Variants in KIRREL1 observed in about 807,000 individuals in gnomAD.
The protein encoded by KIRREL1 is kin of IRRE-like protein 1.
Under a neutral mutation model 83.3 loss-of-function variants are expected in KIRREL1, and 25 were observed. That is an observed-to-expected ratio of 0.30 (90% confidence interval 0.22 to 0.42). The LOEUF is 0.42. KIRREL1 is among the 10% of genes least tolerant of loss of function. The pLI, the probability that KIRREL1 is intolerant of heterozygous loss-of-function variation, is 1.00. For synonymous variants in KIRREL1, 388 were observed against 410.4 expected (o/e 0.95, Z 0.66); for missense variants, 812 against 1,032.3 (o/e 0.79, Z 2.92).
chr1:158,024,249 T>C (rs1280708966), intron 1 of KIRREL1, among the ~76,000 whole-genome samples: 1 of 138,458 alleles, frequency 7.2e-6, no homozygotes, highest in South Asian at 2.5e-4. Context: ...GCGCCCGGCC[T>C]GGTTTTGTTG....
chr1:158,002,513 G>T (rs1376816520), intron 1 of KIRREL1, among the ~76,000 whole-genome samples: 1 of 152,222 alleles, frequency 6.6e-6, no homozygotes, highest in African/African-American at 2.4e-5. Flanking sequence ...CCACCAGGGG[G>T]GGTGAGAGCA....
At chr1:158,050,577 A>G (rs1426428752) in intron 1 of KIRREL1, among the ~76,000 whole-genome samples, 1 of 152,182 alleles carries the variant, frequency 6.6e-6, no homozygotes, top group Non-Finnish European at 1.5e-5. Flanking sequence ...GCCAGAAGCC[A>G]CTTGTTTAAG....
chr1:158,096,618 G>A lies in KIRREL1; in HGVS notation c.*1498G>A, dbSNP rs946326142. On this transcript the variant is annotated 3_prime_UTR_variant, in exon 15 of 15. Transcript: ENST00000359209. ...GGAGAAGGTGGTGCGGAAGGGCACC[G>A]CAGGCATTACACAGGCCATTTCTCC... The A allele has an allele frequency of 2.0e-5, 9 of 456,684 alleles. No individual in the cohort carries two copies. The highest frequency in any genetic ancestry group is 1.6e-4 in the African/African-American group (8 of 50,030). The allele number at this position is 456,684 out of a possible 1,614,324, so 28.3% of individuals were successfully genotyped here.
chr1:158,058,652 C>T (rs1331071995), intron 1 of KIRREL1, among the ~76,000 whole-genome samples: 4 of 152,182 alleles, frequency 2.6e-5, no homozygotes, highest in Non-Finnish European at 5.9e-5. Context: ...GCTCAAAGGT[C>T]TTTATAGCAA....
At chr1:158,012,015 A>C (rs1659703668) in intron 1 of KIRREL1, among the ~76,000 whole-genome samples, 1 of 150,576 alleles carries the variant, frequency 6.6e-6, no homozygotes. Flanking sequence ...TCCCCCTCCC[A>C]CTTTCCCTCA....
chr1:158,069,019 CAG>C (rs1427881016), intron 1 of KIRREL1, among the ~76,000 whole-genome samples: 1 of 152,160 alleles, frequency 6.6e-6, no homozygotes, highest in Non-Finnish European at 1.5e-5. Context: ...TCCGGGGAGA[CAG>C]GGCCTGTCCT....
chr1:158,033,974 T>C (rs1660398791), intron 1 of KIRREL1, among the ~76,000 whole-genome samples: 1 of 136,798 alleles, frequency 7.3e-6, no homozygotes, highest in Admixed American at 7.5e-5. Context: ...ATGAACTCCA[T>C]CGGAAAAAAA....
chr1:158,088,520 T>C (rs1570997368), intron 8 of KIRREL1, 66 bp downstream of exon 8: 14 of 1,379,084 alleles, frequency 1.0e-5, no homozygotes, highest in Non-Finnish European at 1.3e-5. Flanking sequence ...AGTCTCGCTC[T>C]GTCGCCCAGG....
chr1:158,041,490 CCT>C (rs139355908), intron 1 of KIRREL1, among the ~76,000 whole-genome samples: 1,720 of 152,192 alleles, frequency 0.011, 29 homozygotes, highest in South Asian at 0.06. Flanking sequence ...CATAACAGTC[CCT>C]CTGAAGGTGC....
chr1:158,069,888 C>G (rs1661464407), intron 1 of KIRREL1, among the ~76,000 whole-genome samples: 1 of 152,212 alleles, frequency 6.6e-6, no homozygotes, highest in African/African-American at 2.4e-5. Flanking sequence ...CTGCACAGAA[C>G]AGTCATTGGC....
At chr1:158,078,544 GC>G (rs1226212408) in intron 3 of KIRREL1, among the ~76,000 whole-genome samples, 2 of 152,124 alleles carry the variant, frequency 1.3e-5, no homozygotes, top group Non-Finnish European at 2.9e-5. Flanking sequence ...CCTCTCAGCT[GC>G]CTCGGAGACC....
At chr1:158,077,623 C>T (rs1050631744) in intron 2 of KIRREL1, among the ~76,000 whole-genome samples, 4 of 152,182 alleles carry the variant, frequency 2.6e-5, no homozygotes, top group Admixed American at 2.6e-4. Context: ...GCTGCGATGC[C>T]CTATATTTCC....
rs533543670 is a variant in KIRREL1, at chr1:158,067,082, C to T, written c.53-9031C>T. 1.1e-4 allele frequency among the ~76,000 whole-genome samples: 17 copies of T among 152,284 alleles called. No individual in the cohort carries two copies. The South Asian group carries it at 3.1e-3, about 28-fold the overall frequency. On this transcript the variant is annotated intron_variant, in intron 1 of 14. Transcript: ENST00000359209. ...GTCCTACTAGGTCTGGCGCAGGTGCCCTGAGCTGGAGGTTCAAATGGGGCA... is the reference window on the plus strand; with the variant it reads ...GTCCTACTAGGTCTGGCGCAGGTGCTCTGAGCTGGAGGTTCAAATGGGGCA...
At chr1:158,055,664 G>A (rs912640) in intron 1 of KIRREL1, among the ~76,000 whole-genome samples, 91,530 of 152,054 alleles carry the variant, frequency 0.6, 29,501 homozygotes, top group East Asian at 0.84. Flanking sequence ...TTTATATGTC[G>A]CCAGGGCTGC....
At chr1:158,082,096 C>T (rs1661877869) in intron 3 of KIRREL1, among the ~76,000 whole-genome samples, 1 of 152,190 alleles carries the variant, frequency 6.6e-6, no homozygotes, top group African/African-American at 2.4e-5. Flanking sequence ...CTGTCCCCAT[C>T]TGGCATTGGA....
chr1:158,082,298 T>C (rs1184935729), intron 3 of KIRREL1, among the ~76,000 whole-genome samples: 48 of 152,124 alleles, frequency 3.2e-4, no homozygotes, highest in Non-Finnish European at 2.9e-5. Flanking sequence ...TGAGTATGGT[T>C]ATGTCTTGGT....
At chr1:158,050,078 G>C (rs1435063189) in intron 1 of KIRREL1, among the ~76,000 whole-genome samples, 1 of 152,118 alleles carries the variant, frequency 6.6e-6, no homozygotes, top group Non-Finnish European at 1.5e-5. Flanking sequence ...TCTGGAAGTG[G>C]AGACTGGAGG....
At chr1:158,076,005 C>T in intron 1 of KIRREL1, 108 bp from the exon 2 acceptor site, 1 of 1,040,010 alleles carries the variant, frequency 9.6e-7, no homozygotes, top group Non-Finnish European at 1.4e-6. Flanking sequence ...GGAGAGTCCC[C>T]ATCCCCAACT....
chr1:158,081,236 C>T (rs1446822538), intron 3 of KIRREL1, among the ~76,000 whole-genome samples: 2 of 97,754 alleles, frequency 2.0e-5, no homozygotes, highest in Admixed American at 9.8e-5. Flanking sequence ...AACTCACTCT[C>T]CTGTCTCTGA....
Sources: gnomAD v4.1 joint callset for allele counts (sites outside exome capture counted in the v4.1 genomes callset) on GRCh38, gnomAD v4.1.1 for gene constraint, MANE v1.5 for transcripts, NCBI Gene and HGNC (gene_info 2026-07-23, HGNC 2026-07-21) for gene names.